INPP5B: variants seen among roughly 807,000 people sequenced by gnomAD.
The protein encoded by INPP5B is type II inositol 1,4,5-trisphosphate 5-phosphatase.
Under a neutral mutation model 118.5 loss-of-function variants are expected in INPP5B, and 90 were observed. That is an observed-to-expected ratio of 0.76 (90% CI 0.64 to 0.90). The LOEUF (loss-of-function observed/expected upper bound fraction) is 0.90, where lower values mean the gene tolerates loss of function less well. Ranked by LOEUF, INPP5B falls within the 40% of genes least tolerant of loss-of-function variation. The pLI is 0.00. For missense variants in INPP5B, 984 were observed against 1,125.6 expected, an observed-to-expected ratio of 0.87 and a Z score of 1.80; for synonymous variants, 385 against 418.9, an observed-to-expected ratio of 0.92 and a Z score of 0.99.
intron 6 of INPP5B, among the ~76,000 whole-genome samples, chr1:37,936,721 C>CTT (rs1186118337): frequency 1.2e-4 from 16 of 136,110 alleles, no homozygotes; most frequent in Middle Eastern, 3.7e-3. Context: ...TGGAGCAGAA[C>CTT]TTTTTTTTTT....
rs574058457 is a variant in INPP5B, at chr1:37,920,833, G to A, written c.532+11080C>T. Among the ~76,000 whole-genome samples the A allele has an allele frequency of 3.6e-3, 554 of 152,164 alleles. 8 individuals are homozygous for A. Among genetic ancestry groups the A allele is most frequent in the African/African-American group, 0.013 (522 of 41,510 alleles). On this transcript the variant is annotated intron_variant, in intron 7 of 23. Coordinates refer to ENST00000373024, the MANE Select transcript of INPP5B (RefSeq NM_005540.3). ...GAAAAACAGAGATCCTCGGCCAGGC[G>A]CGGTGGCTCACACCTGTAATCCCAG...
At chr1:37,896,614 C>T (rs1287089266) in intron 7 of INPP5B, among the ~76,000 whole-genome samples, 10 of 140,560 alleles carry the variant, frequency 7.1e-5, no homozygotes, top group Admixed American at 1.4e-4. Flanking sequence ...GTCAGCCCCC[C>T]GCCCGGCCAG....
Position 37,943,661 on chromosome 1 carries a change from C to G in INPP5B, c.259G>C (p.Asp87His), listed in dbSNP as rs1456321138. ...RDFTLEEVSP[D>H]GELYILGSDV... ...TCACCAAGGATGTAGAGTTCACCAT[C>G]TGGGGACACTGTGGGGAGGGAAATG... Residue 87 changes from aspartate (D) to histidine (H), a missense_variant, in exon 5 of 24, where the codon GAT (aspartate) becomes CAT (histidine). Physicochemically the swap from Asp to His is moderately conservative, Grantham distance 81 (BLOSUM62 -1). Around this residue, in one of 2 missense-constraint regions of INPP5B, gnomAD observed 350 missense variants for 334.6 expected, o/e 1.05. Transcript: ENST00000373024. 7 of 1,614,082 alleles carry G rather than the reference C, an allele frequency of 4.3e-6. No individual in the cohort carries two copies. In the South Asian group the frequency reaches 7.7e-5, roughly 18 times the overall value.
intron 6 of INPP5B, among the ~76,000 whole-genome samples, chr1:37,938,255 C>T (rs969173232): frequency 2.8e-5 from 4 of 140,976 alleles, no homozygotes; most frequent in Non-Finnish European, 4.5e-5. Context: ...GGCAACAGGG[C>T]GAGACTCTGT....
chr1:37,943,397 G>A (rs1646004885), intron 5 of INPP5B, among the ~76,000 whole-genome samples: 1 of 152,112 alleles, frequency 6.6e-6, no homozygotes, highest in Non-Finnish European at 1.5e-5. Context: ...GCTTGCAGGA[G>A]GAGAGGACAG....
At chr1:37,936,375 C>CT (rs1261078735) in intron 6 of INPP5B, among the ~76,000 whole-genome samples, 1 of 152,166 alleles carries the variant, frequency 6.6e-6, no homozygotes, top group Non-Finnish European at 1.5e-5. Flanking sequence ...AATTCCCGCA[C>CT]TTTGGGAGGC....
At chr1:37,896,421 TG>T (rs1197275132) in intron 7 of INPP5B, among the ~76,000 whole-genome samples, 2 of 138,712 alleles carry the variant, frequency 1.4e-5, no homozygotes, top group African/African-American at 2.7e-5. Context: ...GGGAGGGAGG[TG>T]GGGGGGTCAG....
intron 18 of INPP5B, 47 bp from the exon 19 acceptor site, chr1:37,873,212 G>T: frequency 7.5e-7 from 1 of 1,338,696 alleles, no homozygotes; most frequent in East Asian, 2.3e-5. Context: ...CAGGCCAAGA[G>T]GAAAGGGGAA....
Position 37,887,016 on chromosome 1 carries a change from A to T in INPP5B, c.1015-12T>A. Reference sequence around the variant, plus strand: ...CGGATAAGCTTCACCTGGAAAAGAGAGACATGGCATTAAATAGAAATTGCA... The same window carrying T: ...CGGATAAGCTTCACCTGGAAAAGAGTGACATGGCATTAAATAGAAATTGCA... On this transcript the variant is annotated splice_polypyrimidine_tract_variant and intron_variant, in intron 11 of 23. Coordinates refer to ENST00000373024, the MANE Select transcript of INPP5B (RefSeq NM_005540.3). The T allele has an allele frequency of 6.2e-7, 1 of 1,607,304 alleles. No homozygotes were observed. The highest frequency in any genetic ancestry group is 1.1e-5 in the South Asian group (1 of 90,828).
rs553594690 is a variant in INPP5B at position 37,882,735 on chromosome 1, G to A, written c.1431+72C>T. 2.0e-4 allele frequency: 240 copies of A among 1,196,654 alleles called. 2 individuals carry two copies. In the South Asian group the frequency reaches 2.9e-3, roughly 14 times the overall value. 74.1% of individuals were successfully genotyped at this position (1,196,654 alleles called of 1,614,324 possible). ...CCAAGGAGGAAGAGGCTGCGAGTTT[G>A]GAAGCCAGGCTTTTCTGTGCCCTCA... is the stretch of plus-strand genomic sequence containing the variant. On this transcript the variant is annotated intron_variant, in intron 14 of 23. Transcript: ENST00000373024.
At chr1:37,865,139 C>T (rs1040907579) in intron 22 of INPP5B, among the ~76,000 whole-genome samples, 3 of 151,658 alleles carry the variant, frequency 2.0e-5, no homozygotes, top group Admixed American at 6.6e-5. Context: ...GCTGAGATCG[C>T]GCCAATGCAC....
At chr1:37,919,973 AATACTT>A (rs1430683154) in intron 7 of INPP5B, among the ~76,000 whole-genome samples, 2 of 152,124 alleles carry the variant, frequency 1.3e-5, no homozygotes, top group Non-Finnish European at 2.9e-5. Flanking sequence ...AACAAAAACT[AATACTT>A]AAGGCTTACT....
intron 8 of INPP5B, among the ~76,000 whole-genome samples, chr1:37,890,952 C>T (rs1049541017): frequency 6.6e-6 from 1 of 152,132 alleles, no homozygotes; most frequent in Admixed American, 6.6e-5. Context: ...TCCAGCCAGG[C>T]ACGGTGGCTC....
At chr1:37,939,280 C>A (rs891881158) in intron 6 of INPP5B, among the ~76,000 whole-genome samples, 2 of 150,580 alleles carry the variant, frequency 1.3e-5, no homozygotes, top group Non-Finnish European at 3.0e-5. Context: ...AGGAGAATTG[C>A]TTGAACCGGG....
intron 6 of INPP5B, among the ~76,000 whole-genome samples, chr1:37,937,969 T>C (rs1645760549): frequency 8.3e-6 from 1 of 120,734 alleles, no homozygotes; most frequent in African/African-American, 3.1e-5. Flanking sequence ...TGAAAGTTGG[T>C]CTCAAAAAAA....
chr1:37,908,925 T>C (rs1644592525), intron 7 of INPP5B, among the ~76,000 whole-genome samples: 1 of 152,136 alleles, frequency 6.6e-6, no homozygotes, highest in Admixed American at 6.6e-5. Context: ...CTCGCCATTC[T>C]CCCTTCTTCT....
intron 16 of INPP5B, 33 bp downstream of exon 16, chr1:37,878,155 G>C (rs1032698717): frequency 6.2e-7 from 1 of 1,609,430 alleles, no homozygotes; most frequent in Non-Finnish European, 8.5e-7. Context: ...ATTCCCTCCA[G>C]AATGATTACA....
intron 7 of INPP5B, among the ~76,000 whole-genome samples, chr1:37,893,424 T>C (rs1643906165): frequency 6.6e-6 from 1 of 152,156 alleles, no homozygotes; most frequent in Non-Finnish European, 1.5e-5. Flanking sequence ...CTATGGTATT[T>C]TGTTATAACA....
chr1:37,935,250 G>A (rs1164328529), intron 6 of INPP5B, among the ~76,000 whole-genome samples: 1 of 140,966 alleles, frequency 7.1e-6, no homozygotes, highest in East Asian at 2.4e-4. Flanking sequence ...GGAGTGCAGT[G>A]GCACGATCTC....
Sources: allele counts gnomAD v4.1 joint callset (sites outside exome capture counted in the v4.1 genomes callset), GRCh38; gene constraint gnomAD v4.1.1; regional missense constraint gnomAD v4.1.1; transcripts MANE v1.5; gene names NCBI Gene and HGNC (gene_info 2026-07-23, HGNC 2026-07-21).